The following FSIP2 variants were observed in gnomAD, a reference collection of about 807,000 sequenced individuals.
FSIP2 encodes fibrous sheath interacting protein 2, also known as fibrous sheath-interacting protein 2.
Under a neutral mutation model 510.5 loss-of-function variants are expected in FSIP2, and 367 were observed. That is an observed-to-expected ratio of 0.72 (90% CI 0.66 to 0.78). The LOEUF is 0.78. FSIP2 is among the 30% of genes least tolerant of loss of function. The pLI, the probability that FSIP2 is intolerant of heterozygous loss-of-function variation, is 0.00. For missense variants in FSIP2, 7,594 were observed against 7,901.7 expected (o/e 0.96, Z 1.48); for synonymous variants, 2,601 against 2,732.2 (o/e 0.95, Z 1.50).
chr2:185,792,240 G>T lies in FSIP2; in HGVS notation c.5104G>T (p.Gly1702Trp). ...TATGTTTAATGAAATGGAATCTGAAGGGGGAGGCATTGAAACTTATCGATA... is the reference window on the plus strand; with the variant it reads ...TATGTTTAATGAAATGGAATCTGAATGGGGAGGCATTGAAACTTATCGATA... ...SDMFNEMESE[G>W]GGIETYRYRP... Residue 1702 changes from glycine to tryptophan, a missense_variant, in exon 16 of 23, where the codon GGG becomes TGG. Transcript: ENST00000424728. 6.5e-7 allele frequency: 1 copy of T among 1,533,120 alleles called. No individual in the cohort carries two copies. Among genetic ancestry groups the T allele is most frequent in the South Asian group, 1.2e-5 (1 of 83,788 alleles). The allele number at this position is 1,533,120 out of a possible 1,614,324, so 95.0% of individuals were successfully genotyped here.
chr2:185,783,368 A>C (rs938784463), intron 14 of FSIP2, among the ~76,000 whole-genome samples: 49 of 152,160 alleles, frequency 3.2e-4, no homozygotes, highest in Admixed American at 3.2e-3. Context: ...ACATGAATCT[A>C]AGTAATGGCA....
rs1419396562 is a variant in FSIP2 at position 185,796,950 on chromosome 2, A to C, written c.9814A>C (p.Lys3272Gln). 37 of 1,534,762 alleles carry C rather than the reference A, an allele frequency of 2.4e-5. No individual in the cohort carries two copies. The highest frequency in any genetic ancestry group is 3.1e-5 in the Non-Finnish European group (35 of 1,146,216). The change falls in exon 16 of 23, where the codon AAG becomes CAG. Residue 3272 changes from lysine (K) to glutamine (Q), a missense_variant. By Grantham distance (53) the Lys-to-Gln change is moderately conservative (BLOSUM62 1). Coordinates refer to ENST00000424728, the MANE Select transcript of FSIP2 (RefSeq NM_173651.4). ...CCTCCCTGAAGGCAGTTTCTTACAA[A>C]AGCTGCTTAGGAAAGCAAGTGACTC... ...SYLPEGSFLQ[K>Q]LLRKASDSTE...
chr2:185,770,418 A>G (rs1040491667), intron 13 of FSIP2, among the ~76,000 whole-genome samples: 1 of 152,232 alleles, frequency 6.6e-6, no homozygotes, highest in African/African-American at 2.4e-5. Context: ...TCAGGGCCTC[A>G]GGAAGCTTCC....
rs1046652077 is a variant in FSIP2, at chr2:185,764,846, A to G, written c.1411+281A>G. The stretch of plus-strand genomic sequence containing the variant: ...TAGGGTCATCATAGAAGCCTTTATA[A>G]TTTAGAAAGAGACTGCGTTGAGACA... On this transcript the variant is annotated intron_variant, in intron 13 of 22. Coordinates refer to ENST00000424728, the MANE Select transcript of FSIP2 (RefSeq NM_173651.4). 4.5e-5 allele frequency: 12 copies of G among 266,962 alleles called. 1 individual carries two copies. The East Asian group carries it at 7.3e-4, about 16-fold the overall frequency. 16.5% of individuals were successfully genotyped at this position (266,962 alleles called of 1,614,324 possible).
chr2:185,804,948 A>G lies in FSIP2; in HGVS notation c.15642A>G (p.Lys5214=). ...CTGAAGTACAAAAAGATGCAGACAA[A>G]AAAGGATGCTCATTCCTCAGTAAAT... ...FQAEVQKDAD[K]KGCSFLSKLA... The change falls in exon 17 of 23, where the codon AAA becomes AAG. Residue 5214 remains lysine (K), a synonymous_variant. Transcript: ENST00000424728. 15 of 1,533,172 alleles carry G rather than the reference A, an allele frequency of 9.8e-6. No individual in the cohort carries two copies. The highest frequency in any genetic ancestry group is 1.2e-5 in the Non-Finnish European group (14 of 1,145,602). 95.0% of individuals were successfully genotyped at this position (1,533,172 alleles called of 1,614,324 possible). A position where few individuals can be genotyped will look rare whatever the true frequency, so the allele number is the denominator to read the frequency against.
upstream of FSIP2, chr2:185,738,654 G>A: frequency 2.0e-6 from 3 of 1,536,078 alleles, no homozygotes; most frequent in South Asian, 2.4e-5. Flanking sequence ...GGTCCTCTCA[G>A]ATCAGGCCTC....
At chr2:185,766,253 A>G (rs1367543996) in intron 13 of FSIP2, 91 of 151,970 alleles carry the variant, frequency 6.0e-4, no homozygotes, top group Non-Finnish European at 2.4e-4. Context: ...GGACATAGGC[A>G]TGGGCAAGGA....
Position 185,807,369 on chromosome 2 carries a change from C to G in FSIP2, c.18063C>G (p.Phe6021Leu), listed in dbSNP as rs1693609154. ...TGGAGAATGTGATTTCTGCTCTTTT[C>G]TCCAAAATTTTCTCAACAATATCCA... ...KFLENVISAL[F>L]SKIFSTISST... is the part of the protein sequence containing the mutation. Residue 6021 changes from phenylalanine to leucine, a missense_variant, in exon 17 of 23, where the codon TTC (phenylalanine) becomes TTG (leucine). Transcript: ENST00000424728. The G allele has an allele frequency of 1.9e-6, 3 of 1,608,996 alleles. No homozygotes were observed. The highest frequency in any genetic ancestry group is 2.5e-6 in the Non-Finnish European group (3 of 1,178,436).
chr2:185,769,219 C>T (rs1248173210), intron 13 of FSIP2, among the ~76,000 whole-genome samples: 2 of 152,136 alleles, frequency 1.3e-5, no homozygotes, highest in African/African-American at 4.8e-5. Flanking sequence ...ACACGACTTT[C>T]CACAGTGGTT....
At position 185,760,967 on chromosome 2, in the gene FSIP2, TTCTC is replaced by T; in HGVS notation, c.1079-16_1079-13del. Reference sequence around the variant, plus strand: ...TTAAAAAAAAAAAAAACTATAGAGTTTCTCTCTCGTTTTCTTTTAGGACATACAG... The same window carrying T: ...TTAAAAAAAAAAAAAACTATAGAGTTTCTCGTTTTCTTTTAGGACATACAG... On this transcript the variant is annotated splice_polypyrimidine_tract_variant and intron_variant, in intron 9 of 22. Coordinates refer to ENST00000424728, the MANE Select transcript of FSIP2 (RefSeq NM_173651.4). The T allele has an allele frequency of 4.0e-6, 4 of 996,494 alleles. No homozygotes were observed. Among genetic ancestry groups the T allele is most frequent in the Admixed American group, 2.8e-5 (1 of 35,574 alleles). The allele number at this position is 996,494 out of a possible 1,614,324, so 61.7% of individuals were successfully genotyped here. A position where few individuals can be genotyped will look rare whatever the true frequency, so the allele number is the denominator to read the frequency against.
Position 185,808,163 on chromosome 2 carries a change from G to C in FSIP2, c.18857G>C (p.Gly6286Ala), listed in dbSNP as rs760004682. ...AGCAATGTCCTCTCTGATACAATAG[G>C]CTTTTTAATGGTGAATGCAATTTCG... ...GKSNVLSDTI[G>A]FLMVNAISNS... Residue 6286 changes from glycine to alanine, a missense_variant, in exon 17 of 23, where the codon GGC (glycine) becomes GCC (alanine). Transcript: ENST00000424728. 1.2e-6 allele frequency: 2 copies of C among 1,611,418 alleles called. No individual in the cohort carries two copies. Among genetic ancestry groups the C allele is most frequent in the East Asian group, 4.5e-5 (2 of 44,752 alleles).
At chr2:185,820,043 G>A (rs545438108) in intron 19 of FSIP2, among the ~76,000 whole-genome samples, 1 of 151,820 alleles carries the variant, frequency 6.6e-6, no homozygotes, top group African/African-American at 2.4e-5. Context: ...ACAAAATTGG[G>A]AAATAGAGGA....
chr2:185,785,275 T>C (rs981921158), intron 14 of FSIP2, among the ~76,000 whole-genome samples: 2 of 152,080 alleles, frequency 1.3e-5, no homozygotes, highest in African/African-American at 4.8e-5. Flanking sequence ...ATGCTCCTAG[T>C]TGAATACTGC....
At chr2:185,776,888 T>A (rs547275312) in intron 13 of FSIP2, among the ~76,000 whole-genome samples, 2 of 152,060 alleles carry the variant, frequency 1.3e-5, no homozygotes, top group Non-Finnish European at 2.9e-5. Context: ...CATACCCAGC[T>A]AATTTTTGTA....
At chr2:185,751,808 G>A (rs981584700) in intron 7 of FSIP2, among the ~76,000 whole-genome samples, 1 of 151,044 alleles carries the variant, frequency 6.6e-6, no homozygotes, top group African/African-American at 2.4e-5. Flanking sequence ...TTATTATACT[G>A]TATTATACCA....
In FSIP2 at chr2:185,790,952, G is replaced by T. The variant is rs554688242; in HGVS notation, c.3816G>T (p.Lys1272Asn). Residue 1272 changes from lysine (K) to asparagine (N), a missense_variant, in exon 16 of 23, where the codon AAG becomes AAT. By Grantham distance (94) the Lys-to-Asn change is moderately conservative (BLOSUM62 0). Coordinates refer to ENST00000424728, the MANE Select transcript of FSIP2 (RefSeq NM_173651.4). The stretch of plus-strand genomic sequence containing the variant: ...TTCGTACAATTTTTAAAAGACTGAA[G>T]TCATTTATTTGTCCAAAATTGCATA... ...KIIRTIFKRL[K>N]SFICPKLHMG... 62 of 1,525,508 alleles carry T rather than the reference G, an allele frequency of 4.1e-5. No individual in the cohort carries two copies. In the East Asian group the frequency reaches 1.1e-3, roughly 26 times the overall value. 94.5% of individuals were successfully genotyped at this position (1,525,508 alleles called of 1,614,324 possible).
Position 185,800,134 on chromosome 2 carries a change from G to T in FSIP2, c.10828G>T (p.Gly3610Ter). Residue 3610 changes from glycine (G) to a stop codon, truncating the protein, a stop_gained, in exon 17 of 23, where the codon GGA becomes TGA. Transcript: ENST00000424728. LOFTEE classifies it high-confidence loss of function. Reference protein sequence around the residue: ...FDDLFQDLLVGVIHVLSKEIE... With the variant: ...FDDLFQDLLV ...TGACCTCTTTCAGGATCTCTTAGTA[G>T]GAGTGATTCATGTACTGTCCAAAGA... 6.5e-7 allele frequency: 1 copy of T among 1,533,968 alleles called. No individual in the cohort carries two copies. Among genetic ancestry groups the T allele is most frequent in the Non-Finnish European group, 8.7e-7 (1 of 1,145,550 alleles).
In FSIP2 at chr2:185,824,006, C is replaced by G. The variant is rs367859468; in HGVS notation, c.20427-428C>G. ...AAAAAAGGCCAAATATTTCATGATT[C>G]TCATATGAAGTCCCTAGGATAGTCA... On this transcript the variant is annotated intron_variant, in intron 19 of 22. Coordinates refer to ENST00000424728, the MANE Select transcript of FSIP2 (RefSeq NM_173651.4). Among the ~76,000 whole-genome samples the G allele has an allele frequency of 7.9e-5, 12 of 151,776 alleles. No homozygotes were observed. The East Asian group carries it at 1.2e-3, about 15-fold the overall frequency.
In FSIP2 at chr2:185,748,442, A is replaced by T. The variant is rs891527999; in HGVS notation, c.870+1019A>T. On this transcript the variant is annotated intron_variant, in intron 7 of 22. Coordinates refer to ENST00000424728, the MANE Select transcript of FSIP2 (RefSeq NM_173651.4). ...CAGGTGTCAGCCACCACGCCCAGCC[A>T]TAATTATTATTAATATTTTCTAATA... Among the ~76,000 whole-genome samples, 8 of 151,910 alleles carry T rather than the reference A, an allele frequency of 5.3e-5. No homozygotes were observed. In the East Asian group the frequency reaches 1.6e-3, roughly 30 times the overall value.
Sources: gnomAD v4.1 joint callset for allele counts (sites outside exome capture counted in the v4.1 genomes callset) on GRCh38, gnomAD v4.1.1 for gene constraint, MANE v1.5 for transcripts, NCBI Gene and HGNC (gene_info 2026-07-23, HGNC 2026-07-21) for gene names.